Variants in ALDH4A1 observed in about 807,000 individuals in gnomAD.
ALDH4A1 encodes the protein aldehyde dehydrogenase 4 family member A1, also known as delta-1-pyrroline-5-carboxylate dehydrogenase, mitochondrial.
In ALDH4A1, 46 loss-of-function variants were observed where a neutral mutation model predicts 70.5. The ratio of observed to expected loss-of-function variants is 0.65; its 90% CI spans 0.51 to 0.83. ALDH4A1 has a LOEUF of 0.83. Ranked by LOEUF, ALDH4A1 falls within the 40% of genes least tolerant of loss-of-function variation. The pLI, the probability that ALDH4A1 is intolerant of heterozygous loss-of-function variation, is 0.00. For missense variants in ALDH4A1, 749 were observed against 766.5 expected (o/e 0.98, Z 0.27); for synonymous variants, 323 against 324.3 (o/e 1.00, Z 0.04).
At chr1:18,888,497 G>A (rs185146206) in intron 3 of ALDH4A1, among the ~76,000 whole-genome samples, 180 of 152,364 alleles carry the variant, frequency 1.2e-3, no homozygotes, top group Non-Finnish European at 1.9e-3. Context: ...TATCCACCCA[G>A]GGGCTTATCA....
At chr1:18,884,436 G>A (rs768530383) in intron 5 of ALDH4A1, among the ~76,000 whole-genome samples, 2 of 152,090 alleles carry the variant, frequency 1.3e-5, no homozygotes, top group Non-Finnish European at 2.9e-5. Context: ...GGCAGCGTAG[G>A]GCTCAGGTCC....
chr1:18,885,431 A>AACCCCCCCCCCCCCCCCCCCC, intron 5 of ALDH4A1, 42 bp downstream of exon 5: 2 of 478,978 alleles, frequency 4.2e-6, no homozygotes, highest in Non-Finnish European at 7.0e-6. Context: ...CCTGACTCCC[A>AACCCCCCCCCCCCCCCCCCCC]CCCCACCCCG....
chr1:18,897,995 C>T (rs541933802), intron 1 of ALDH4A1, among the ~76,000 whole-genome samples: 2 of 152,242 alleles, frequency 1.3e-5, no homozygotes, highest in Non-Finnish European at 2.9e-5. Context: ...GAAGTCTTTT[C>T]CATCCCCTGA....
rs1372172300 is a variant in ALDH4A1 at position 18,885,489 on chromosome 1, T to G, written c.437A>C (p.Lys146Thr). Residue 146 changes from lysine (K) to threonine (T), a missense_variant, in exon 5 of 15, where the codon AAG becomes ACG. Transcript: ENST00000375341. The part of the protein sequence containing the change: ...SGPRRAEILA[K>T]TMVGQGKTVI... ...GCACCTCACCTGTCCCACCATGGTC[T>G]TGGCGAGGATCTCAGCCCTGCGCGG... 1 of 1,360,598 alleles carries G rather than the reference T, an allele frequency of 7.3e-7. No homozygotes were observed. Among genetic ancestry groups the G allele is most frequent in the Admixed American group, 2.2e-5 (1 of 46,402 alleles). The allele number at this position is 1,360,598 out of a possible 1,614,324, so 84.3% of individuals were successfully genotyped here. A position where few individuals can be genotyped will look rare whatever the true frequency, so the allele number is the denominator to read the frequency against.
chr1:18,894,944 G>A (rs562742052), intron 1 of ALDH4A1, among the ~76,000 whole-genome samples: 1 of 149,500 alleles, frequency 6.7e-6, no homozygotes, highest in Non-Finnish European at 1.5e-5. Context: ...CTCGGGTGAA[G>A]GCAGAGATGA....
intron 1 of ALDH4A1, among the ~76,000 whole-genome samples, chr1:18,891,808 A>G (rs1192092234): frequency 6.6e-6 from 1 of 152,180 alleles, no homozygotes; most frequent in Non-Finnish European, 1.5e-5. Context: ...TGGGCGGATC[A>G]CTTGAGGTCA....
chr1:18,875,463 T>C lies in ALDH4A1; in HGVS notation c.1379A>G (p.Asp460Gly), dbSNP rs759243042. The change falls in exon 13 of 15, where the codon GAT (aspartate) becomes GGT (glycine). Residue 460 changes from aspartate (D) to glycine (G), a missense_variant. Physicochemically the swap from Asp to Gly is moderately conservative, Grantham distance 94. Transcript: ENST00000375341. Reference protein sequence around the residue: ...GPVLSVYVYPDDKYKETLQLV... With the variant: ...GPVLSVYVYPGDKYKETLQLV... ...CTGCAGCGTCTCCTTGTACTTGTCA[T>C]CCGGGTAGACGTACACAGACAGTAC... 1.8e-5 allele frequency: 29 copies of C among 1,613,976 alleles called. No individual in the cohort carries two copies. In the Admixed American group the frequency reaches 4.7e-4, roughly 26 times the overall value.
In ALDH4A1 at chr1:18,875,415, T is replaced by C. The variant is rs1284538413; in HGVS notation, c.1427A>G (p.Tyr476Cys). The C allele has an allele frequency of 1.2e-6, 2 of 1,614,164 alleles. No individual in the cohort carries two copies. The highest frequency in any genetic ancestry group is 1.7e-6 in the Non-Finnish European group (2 of 1,180,016). ...GGAGAACACTGCCCCCGTGAGGCCA[T>C]AGCTGGTGGTGCTGTCAACCAGCTG... ...TLQLVDSTTS[Y>C]GLTGAVFSQD... Residue 476 changes from tyrosine (Y) to cysteine (C), a missense_variant, in exon 13 of 15, where the codon TAT becomes TGT. Coordinates refer to ENST00000375341, the MANE Select transcript of ALDH4A1 (RefSeq NM_003748.4).
In ALDH4A1 at chr1:18,902,494, G is replaced by A. The variant is rs987346783; in HGVS notation, c.30C>T (p.Arg10=). 13 of 1,478,096 alleles carry A rather than the reference G, an allele frequency of 8.8e-6. No homozygotes were observed. The highest frequency in any genetic ancestry group is 1.2e-5 in the Non-Finnish European group (13 of 1,115,082). 91.6% of individuals were successfully genotyped at this position (1,478,096 alleles called of 1,614,324 possible). Reference sequence around the variant, plus strand: ...CGGTCCAGGGGCGGGACAGCAGGGCGCGGCGGAGCGCGGGCGCCGGCAGCA... The same window carrying A: ...CGGTCCAGGGGCGGGACAGCAGGGCACGGCGGAGCGCGGGCGCCGGCAGCA... MLLPAPALR[R]ALLSRPWTGA... The change falls in exon 1 of 15, where the codon CGC becomes CGT. Residue 10 remains arginine, a synonymous_variant. Transcript: ENST00000375341.
At position 18,886,470 on chromosome 1, in the gene ALDH4A1, T is replaced by G. The variant is rs964992865; in HGVS notation, c.291A>C (p.Ala97=). Residue 97 remains alanine (A), a synonymous_variant, in exon 4 of 15, where the codon GCA becomes GCC. Transcript: ENST00000375341. ...HGHKVAKFCY[A]DKSLLNKAIE... ...GGCACACAGGCTCACTCACCTTGTC[T>G]GCATAACAGAACTTGGCCACCTTAT... is the stretch of plus-strand genomic sequence containing the variant. The G allele has an allele frequency of 1.2e-6, 2 of 1,614,184 alleles. No homozygotes were observed. Among genetic ancestry groups the G allele is most frequent in the East Asian group, 4.5e-5 (2 of 44,886 alleles).
chr1:18,875,691 T>C (rs115214270), intron 12 of ALDH4A1, among the ~76,000 whole-genome samples, 188 bp from the exon 13 acceptor site: 1 of 151,926 alleles, frequency 6.6e-6, no homozygotes, highest in African/African-American at 2.4e-5. Context: ...CGTGCCCAGC[T>C]CCCTGTCCTG....
At position 18,877,560 on chromosome 1, in the gene ALDH4A1, G is replaced by A. The variant is rs372376622; in HGVS notation, c.993C>T (p.Ser331=). The A allele has an allele frequency of 9.9e-6, 16 of 1,611,684 alleles. No individual in the cohort carries two copies. Among genetic ancestry groups the A allele is most frequent in the African/African-American group, 5.3e-5 (4 of 74,844 alleles). The change falls in exon 10 of 15, where the codon AGC becomes AGT. Residue 331 remains serine (S), a synonymous_variant. Transcript: ENST00000375341. ...HFVHRSADVE[S]VVSGTLRSAF... Reference sequence around the variant, plus strand: ...CTGAGCGGAGGGTCCCGCTCACCACGCTCTCCACGTCGGCCGAGCGGTGCA... The same window carrying A: ...CTGAGCGGAGGGTCCCGCTCACCACACTCTCCACGTCGGCCGAGCGGTGCA...
At chr1:18,886,697 GTACCCGCT>G (rs1935218453) in intron 3 of ALDH4A1, among the ~76,000 whole-genome samples, 186 bp from the exon 4 acceptor site, 1 of 152,124 alleles carries the variant, frequency 6.6e-6, no homozygotes, top group Non-Finnish European at 1.5e-5. Context: ...GGGTGCTGGT[GTACCCGCT>G]ATACCATGAG....
At chr1:18,890,609 C>G (rs76810956) in intron 1 of ALDH4A1, 2 of 868,508 alleles carry the variant, frequency 2.3e-6, no homozygotes, top group South Asian at 5.2e-5. Context: ...CCCAGTCCCA[C>G]GGTTGTGTGT....
At position 18,881,773 on chromosome 1, in the gene ALDH4A1, C is replaced by G; in HGVS notation, c.793G>C (p.Asp265His). Residue 265 changes from aspartate to histidine, a missense_variant, in exon 8 of 15, where the codon GAT becomes CAT. By Grantham distance (81) the Asp-to-His change is moderately conservative (BLOSUM62 -1). Coordinates refer to ENST00000375341, the MANE Select transcript of ALDH4A1 (RefSeq NM_003748.4). ...ACAGTGTCCCCAAATAGGGGCCCATCAGCTGGCACAAACTGGATGATGTTG... is the reference window on the plus strand; with the variant it reads ...ACAGTGTCCCCAAATAGGGGCCCATGAGCTGGCACAAACTGGATGATGTTG... ...PPNIIQFVPA[D>H]GPLFGDTVTS... 6.2e-7 allele frequency: 1 copy of G among 1,614,094 alleles called. No individual in the cohort carries two copies. The highest frequency in any genetic ancestry group is 8.5e-7 in the Non-Finnish European group (1 of 1,180,046).
chr1:18,876,975 T>C (rs958694176), intron 11 of ALDH4A1, among the ~76,000 whole-genome samples: 6 of 152,182 alleles, frequency 3.9e-5, no homozygotes, highest in African/African-American at 1.4e-4. Flanking sequence ...GCAAATGCTA[T>C]TAGGAGCTCG....
At chr1:18,892,057 C>T (rs1410388097) in intron 1 of ALDH4A1, among the ~76,000 whole-genome samples, 1 of 151,560 alleles carries the variant, frequency 6.6e-6, no homozygotes, top group Non-Finnish European at 1.5e-5. Context: ...AGGAAGAGGG[C>T]TTATTGTGTC....
At chr1:18,889,228 C>A in intron 3 of ALDH4A1, 134 bp downstream of exon 3, 1 of 796,742 alleles carries the variant, frequency 1.3e-6, no homozygotes. Context: ...CCACAGAATT[C>A]AAAATCTGGG....
At chr1:18,884,211 T>A (rs2100578528) in intron 5 of ALDH4A1, among the ~76,000 whole-genome samples, 1 of 152,290 alleles carries the variant, frequency 6.6e-6, no homozygotes, top group South Asian at 2.1e-4. Flanking sequence ...AACGTGCGGC[T>A]CACCAGGAAC....
Sources: gnomAD v4.1 joint callset for allele counts (sites outside exome capture counted in the v4.1 genomes callset) on GRCh38, gnomAD v4.1.1 for gene constraint, MANE v1.5 for transcripts, NCBI Gene and HGNC (gene_info 2026-07-23, HGNC 2026-07-21) for gene names.